The following HMSD variants were observed in gnomAD, a reference collection of about 807,000 sequenced individuals.
The protein encoded by HMSD is serpin-like protein HMSD.
HMSD carries 13 observed loss-of-function variants against 10.0 expected under a neutral mutation model. The observed-to-expected ratio is 1.31, with a 90% CI of 0.85 to 2.08. HMSD has a LOEUF of 2.08. Among genes scored for constraint, HMSD ranks in the 30% most tolerant of loss-of-function variants. The pLI is 0.00. For synonymous variants in HMSD, 51 were observed against 54.2 expected, an observed-to-expected ratio of 0.94 and a Z score of 0.26; for missense variants, 169 against 166.3, an observed-to-expected ratio of 1.02 and a Z score of -0.09.
At position 63,953,352 on chromosome 18, in the gene HMSD, A is replaced by G. The variant is rs1168530382; in HGVS notation, c.-102-2A>G. 3.9e-6 allele frequency: 3 copies of G among 776,764 alleles called. No homozygotes were observed. The highest frequency in any genetic ancestry group is 1.7e-5 in the African/African-American group (1 of 57,864). 48.1% of individuals were successfully genotyped at this position (776,764 alleles called of 1,614,324 possible). ...ATATTGTTTAAAAATCCATTGTTTC[A>G]GGCTCACCGTCATGGATGCTCTATC... On this transcript the variant is annotated splice_acceptor_variant, in intron 1 of 3. Coordinates refer to ENST00000408945, the MANE Select transcript of HMSD (RefSeq NM_001123366.2). LOFTEE classifies it low-confidence loss of function (5UTR_SPLICE).
intron 3 of HMSD, among the ~76,000 whole-genome samples, chr18:63,958,868 C>T: frequency 6.6e-6 from 1 of 152,060 alleles, no homozygotes; most frequent in Admixed American, 6.5e-5. Flanking sequence ...TATGGAACAA[C>T]AGACTCATAT....
At chr18:63,961,895 C>T (rs1295660703), downstream of HMSD, 2 of 152,308 alleles carry the variant, frequency 1.3e-5, no homozygotes, top group African/African-American at 2.4e-5. Context: ...GGGGGAGATC[C>T]CTCCTTCACC....
At chr18:63,957,335 A>G (rs1479941677) in intron 3 of HMSD, among the ~76,000 whole-genome samples, 2 of 152,142 alleles carry the variant, frequency 1.3e-5, no homozygotes, top group African/African-American at 4.8e-5. Context: ...ACTTTTGATT[A>G]TAAATGGGAT....
At chr18:63,958,956 T>G (rs1436311922) in intron 3 of HMSD, among the ~76,000 whole-genome samples, 1 of 152,024 alleles carries the variant, frequency 6.6e-6, no homozygotes, top group African/African-American at 2.4e-5. Context: ...ATTTAATAAT[T>G]TACAGGAGTG....
intron 3 of HMSD, among the ~76,000 whole-genome samples, chr18:63,957,096 G>A (rs1168839359): frequency 6.6e-6 from 1 of 152,144 alleles, no homozygotes; most frequent in South Asian, 2.1e-4. Flanking sequence ...TGGGGAGGGT[G>A]AGGATTGAAC....
chr18:63,954,293 T>C, intron 2 of HMSD, 115 bp from the exon 3 acceptor site: 1 of 752,520 alleles, frequency 1.3e-6, no homozygotes, highest in Non-Finnish European at 2.2e-6. Flanking sequence ...ATTGATCATC[T>C]TTTAAGCTGT....
chr18:63,963,059 TTTCTTTTCTTTC>T (rs2050393090), downstream of HMSD, among the ~76,000 whole-genome samples: 1 of 127,546 alleles, frequency 7.8e-6, no homozygotes, highest in African/African-American at 3.9e-5. Context: ...TCTTTCTTTC[TTTCTTTTCTTTC>T]TCTTTCTTTC....
intron 1 of HMSD, among the ~76,000 whole-genome samples, chr18:63,952,885 A>G (rs2050338383): frequency 6.6e-6 from 1 of 152,260 alleles, no homozygotes; most frequent in Non-Finnish European, 1.5e-5. Flanking sequence ...TTACATAATC[A>G]CATATGGAAT....
Position 63,960,851 on chromosome 18 carries a change from G to A in HMSD, c.*496G>A, listed in dbSNP as rs2050382529. The A allele has an allele frequency of 6.4e-6, 1 of 155,212 alleles. No homozygotes were observed. The highest frequency in any genetic ancestry group is 1.4e-5 in the Non-Finnish European group (1 of 70,322). The allele number at this position is 155,212 out of a possible 1,614,324, so 9.6% of individuals were successfully genotyped here. The stretch of plus-strand genomic sequence containing the variant: ...AGCCAGCTACTTAGCTTCAGGGAGA[G>A]AATGAGACTGAAGATTACAAGGAGA... On this transcript the variant is annotated 3_prime_UTR_variant, in exon 4 of 4. Transcript: ENST00000408945.
intron 1 of HMSD, among the ~76,000 whole-genome samples, chr18:63,952,579 A>C (rs2050336817): frequency 6.6e-6 from 1 of 152,128 alleles, no homozygotes; most frequent in Non-Finnish European, 1.5e-5. Context: ...TAATATCTCC[A>C]TTTATATTCA....
intron 3 of HMSD, among the ~76,000 whole-genome samples, chr18:63,959,605 A>G (rs72943567): frequency 0.061 from 9,242 of 152,200 alleles, 360 homozygotes; most frequent in African/African-American, 0.09. Context: ...AAGAATATAG[A>G]TTCTACTCTT....
At chr18:63,963,247 G>GCTTC (rs1568261527), downstream of HMSD, among the ~76,000 whole-genome samples, 1 of 118,774 alleles carries the variant, frequency 8.4e-6, no homozygotes, top group Non-Finnish European at 1.7e-5. Flanking sequence ...TTCCTTCCTT[G>GCTTC]CTTCCTTCCT....
chr18:63,951,862 G>A (rs1244460110), intron 1 of HMSD, among the ~76,000 whole-genome samples: 1 of 152,058 alleles, frequency 6.6e-6, no homozygotes, highest in Admixed American at 6.6e-5. Flanking sequence ...TAAATACCAA[G>A]AGAAAGGGTG....
chr18:63,966,307 A>C (rs2050409475), downstream of HMSD: 1 of 152,254 alleles, frequency 6.6e-6, no homozygotes, highest in Non-Finnish European at 1.5e-5. Context: ...AATGTTAATG[A>C]AAAATGACAG....
chr18:63,960,640 A>G lies in HMSD; in HGVS notation c.*285A>G. 3.1e-6 allele frequency: 1 copy of G among 323,918 alleles called. No homozygotes were observed. Among genetic ancestry groups the G allele is most frequent in the South Asian group, 2.8e-5 (1 of 35,342 alleles). The allele number at this position is 323,918 out of a possible 1,614,324, so 20.1% of individuals were successfully genotyped here. ...ACAGGCTTGAAATGCAACTGCTGTGATCAGTGATAAGGGAACACACTGATG... is the reference window on the plus strand; with the variant it reads ...ACAGGCTTGAAATGCAACTGCTGTGGTCAGTGATAAGGGAACACACTGATG... On this transcript the variant is annotated 3_prime_UTR_variant, in exon 4 of 4. Transcript: ENST00000408945.
chr18:63,956,352 T>TAA (rs751327484), intron 3 of HMSD, among the ~76,000 whole-genome samples: 5 of 145,488 alleles, frequency 3.4e-5, no homozygotes, highest in African/African-American at 1.0e-4. Flanking sequence ...CAGAATCTAT[T>TAA]AAAAAAAAAA....
rs75758946 is a variant in HMSD at position 63,961,472 on chromosome 18, G to C, written c.*1117G>C. 6.6e-6 allele frequency: 1 copy of C among 152,152 alleles called. No homozygotes were observed. The highest frequency in any genetic ancestry group is 1.5e-5 in the Non-Finnish European group (1 of 68,028). The allele number at this position is 152,152 out of a possible 1,614,324, so 9.4% of individuals were successfully genotyped here. A position where few individuals can be genotyped will look rare whatever the true frequency, so the allele number is the denominator to read the frequency against. ...TCATGTGCTGCCTTGACATCTATGG[G>C]CTTCTCAGGGCCTCAGAGGCCTGGC... On this transcript the variant is annotated 3_prime_UTR_variant, in exon 4 of 4. Transcript: ENST00000408945.
At position 63,960,245 on chromosome 18, in the gene HMSD, G is replaced by A; in HGVS notation, c.310G>A (p.Val104Ile). ...TGATACAGAGAAGTCCACAACACGT[G>A]TAAACTCCTGGGTTGCTGATAAAAC... The part of the protein sequence containing the change: ...VNDTEKSTTR[V>I]NSWVADKTKG... The change falls in exon 4 of 4, where the codon GTA becomes ATA. Residue 104 changes from valine (V) to isoleucine (I), a missense_variant. By Grantham distance (29) the Val-to-Ile change is conservative. Transcript: ENST00000408945. 6.2e-7 allele frequency: 1 copy of A among 1,613,330 alleles called. No individual in the cohort carries two copies. The highest frequency in any genetic ancestry group is 8.5e-7 in the Non-Finnish European group (1 of 1,179,770).
chr18:63,958,773 A>G (rs2144761873), intron 3 of HMSD, among the ~76,000 whole-genome samples: 1 of 152,274 alleles, frequency 6.6e-6, no homozygotes, highest in South Asian at 2.1e-4. Context: ...CGCTCTGGAC[A>G]TTGCAGATTT....
Sources: allele counts gnomAD v4.1 joint callset (sites outside exome capture counted in the v4.1 genomes callset), GRCh38; gene constraint gnomAD v4.1.1; transcripts MANE v1.5; gene names NCBI Gene and HGNC (gene_info 2026-07-23, HGNC 2026-07-21).